Variants in NR3C2 observed in about 807,000 individuals in gnomAD.
NR3C2 encodes the protein nuclear receptor subfamily 3 group C member 2.
Under a neutral mutation model 86.4 loss-of-function variants are expected in NR3C2, and 15 were observed. The ratio of observed to expected loss-of-function variants is 0.17; its 90% CI spans 0.12 to 0.27. The LOEUF is 0.27. Among genes scored for constraint, NR3C2 ranks in the 10% least tolerant of loss-of-function variants. The pLI, the probability that NR3C2 is intolerant of heterozygous loss-of-function variation, is 1.00. For synonymous variants in NR3C2, 458 were observed against 450.5 expected (o/e 1.02, Z -0.21); for missense variants, 960 against 1,195.6 (o/e 0.80, Z 2.91).
intron 2 of NR3C2, among the ~76,000 whole-genome samples, chr4:148,272,738 G>A (rs1740752675): frequency 6.6e-6 from 1 of 151,978 alleles, no homozygotes; most frequent in African/African-American, 2.4e-5. Flanking sequence ...TAAAATAAAA[G>A]TTAGGCTTTT....
At chr4:148,083,157 G>C (rs2149703503) in intron 8 of NR3C2, among the ~76,000 whole-genome samples, 1 of 152,216 alleles carries the variant, frequency 6.6e-6, no homozygotes, top group East Asian at 1.9e-4. Context: ...AGCTTCAGCA[G>C]ACTTAAATGT....
At chr4:148,226,602 G>A (rs1738178547) in intron 3 of NR3C2, among the ~76,000 whole-genome samples, 2 of 152,114 alleles carry the variant, frequency 1.3e-5, no homozygotes, top group Non-Finnish European at 2.9e-5. Flanking sequence ...CATAGCAATA[G>A]GTATGTACTA....
At chr4:148,092,509 G>A (rs925099701) in intron 8 of NR3C2, among the ~76,000 whole-genome samples, 1 of 152,088 alleles carries the variant, frequency 6.6e-6, no homozygotes, top group East Asian at 1.9e-4. Context: ...CCGGATTCTC[G>A]CTCCTGGGTT....
At chr4:148,284,143 C>A (rs987148058) in intron 2 of NR3C2, among the ~76,000 whole-genome samples, 1 of 152,098 alleles carries the variant, frequency 6.6e-6, no homozygotes, top group Non-Finnish European at 1.5e-5. Context: ...ACATGTATTC[C>A]TCTGGGTTAT....
chr4:148,236,145 A>T (rs1292066977), intron 3 of NR3C2, among the ~76,000 whole-genome samples: 1 of 152,208 alleles, frequency 6.6e-6, no homozygotes, highest in East Asian at 1.9e-4. Context: ...AGGAAGTGGG[A>T]AAAAACCTGA....
At chr4:148,112,783 C>G (rs564997511) in intron 8 of NR3C2, among the ~76,000 whole-genome samples, 1 of 152,252 alleles carries the variant, frequency 6.6e-6, no homozygotes, top group African/African-American at 2.4e-5. Flanking sequence ...CCATTAGTTA[C>G]CACAGAGAGA....
Position 148,322,942 on chromosome 4 carries a change from G to A in NR3C2, c.1758-62825C>T, listed in dbSNP as rs1336629270. Among the ~76,000 whole-genome samples, 7 of 146,570 alleles carry A rather than the reference G, an allele frequency of 4.8e-5. No individual in the cohort carries two copies. In the East Asian group the frequency reaches 1.5e-3, roughly 32 times the overall value. On this transcript the variant is annotated intron_variant, in intron 2 of 8. Transcript: ENST00000358102. ...GGTGAGGAACTGCGTTCCTTTGGAG[G>A]AGGAGAGGCGCTCTGCTGTTTAGAG...
chr4:148,304,236 C>T (rs530624936), intron 2 of NR3C2, among the ~76,000 whole-genome samples: 18 of 151,540 alleles, frequency 1.2e-4, no homozygotes, highest in South Asian at 4.2e-4. Context: ...AAGTTAATTT[C>T]TCAAACCTTA....
chr4:148,358,646 A>C (rs78276646), intron 2 of NR3C2, among the ~76,000 whole-genome samples: 8 of 141,906 alleles, frequency 5.6e-5, no homozygotes, highest in Non-Finnish European at 1.1e-4. Flanking sequence ...AAAAAAAAAA[A>C]TAAAATGCCA....
At chr4:148,229,896 C>G (rs951884144) in intron 3 of NR3C2, among the ~76,000 whole-genome samples, 1 of 152,164 alleles carries the variant, frequency 6.6e-6, no homozygotes, top group Non-Finnish European at 1.5e-5. Flanking sequence ...CTTTCCAACC[C>G]TTCCCCTACA....
chr4:148,444,145 C>T (rs1750484603), upstream of NR3C2: 1 of 985,406 alleles, frequency 1.0e-6, no homozygotes, highest in East Asian at 1.1e-4. Context: ...AAGGGGAGTC[C>T]CGGACCTAGA....
At chr4:148,261,442 C>CGCTATGGTGCGCTAT (rs1740118551) in intron 2 of NR3C2, among the ~76,000 whole-genome samples, 1 of 145,412 alleles carries the variant, frequency 6.9e-6, no homozygotes, top group Non-Finnish European at 1.5e-5. Context: ...TGGTGCGCTA[C>CGCTATGGTGCGCTAT]GGTCAGTGCT....
chr4:148,339,180 G>A (rs904611768), intron 2 of NR3C2, among the ~76,000 whole-genome samples: 1 of 152,132 alleles, frequency 6.6e-6, no homozygotes, highest in African/African-American at 2.4e-5. Flanking sequence ...CCTGGCAGAC[G>A]ATCAGCCTGG....
Position 148,442,280 on chromosome 4 carries a change from C to G in NR3C2, c.-123G>C, listed in dbSNP as rs949798913. The G allele has an allele frequency of 2.6e-5, 4 of 152,694 alleles. No homozygotes were observed. The highest frequency in any genetic ancestry group is 7.2e-5 in the African/African-American group (3 of 41,464). 9.5% of individuals were successfully genotyped at this position (152,694 alleles called of 1,614,324 possible). On this transcript the variant is annotated 5_prime_UTR_variant, in exon 1 of 9. Coordinates refer to ENST00000358102, the MANE Select transcript of NR3C2 (RefSeq NM_000901.5). The stretch of plus-strand genomic sequence containing the variant: ...CATCCAGGCCAGCGAGTGCCGCTCT[C>G]CCTGCAGCGGGAGAGCCCGAGGCAG...
intron 2 of NR3C2, among the ~76,000 whole-genome samples, chr4:148,298,405 G>A (rs1278489504): frequency 6.6e-6 from 1 of 152,172 alleles, no homozygotes; most frequent in African/African-American, 2.4e-5. Context: ...GGGAACAACT[G>A]GGGTGATGGA....
chr4:148,330,954 T>C (rs987011707), intron 2 of NR3C2, among the ~76,000 whole-genome samples: 20 of 152,208 alleles, frequency 1.3e-4, no homozygotes, highest in African/African-American at 4.3e-4. Flanking sequence ...GATTTTAAGC[T>C]TCTTAAGGCC....
At chr4:148,200,446 C>T (rs577998088) in intron 3 of NR3C2, among the ~76,000 whole-genome samples, 16 of 151,902 alleles carry the variant, frequency 1.1e-4, no homozygotes, top group Non-Finnish European at 2.2e-4. Context: ...ATGATTTACA[C>T]CGCTTCTCCC....
At chr4:148,309,789 A>G (rs1040784048) in intron 2 of NR3C2, among the ~76,000 whole-genome samples, 1 of 152,244 alleles carries the variant, frequency 6.6e-6, no homozygotes, top group African/African-American at 2.4e-5. Flanking sequence ...TCCCATGACT[A>G]TAAGTAGCCA....
intron 3 of NR3C2, among the ~76,000 whole-genome samples, chr4:148,255,682 C>A (rs1739797016): frequency 6.6e-6 from 1 of 152,178 alleles, no homozygotes; most frequent in South Asian, 2.1e-4. Context: ...TGCATACATA[C>A]TGAGTCTTCA....
Sources: allele counts gnomAD v4.1 joint callset (sites outside exome capture counted in the v4.1 genomes callset), GRCh38; gene constraint gnomAD v4.1.1; transcripts MANE v1.5; gene names NCBI Gene and HGNC (gene_info 2026-07-23, HGNC 2026-07-21).